The following CADM2 variants were observed in gnomAD, a reference collection of about 807,000 sequenced individuals.
CADM2 encodes immunoglobulin superfamily member 4D.
CADM2 carries 12 observed loss-of-function variants against 49.8 expected under a neutral mutation model. The observed-to-expected ratio is 0.24, with a 90% CI of 0.15 to 0.39. The LOEUF is 0.39. Ranked by LOEUF, CADM2 falls within the 10% of genes least tolerant of loss-of-function variation. The pLI is 1.00. For synonymous variants in CADM2, 214 were observed against 175.4 expected (o/e 1.22, Z -1.74); for missense variants, 378 against 492.3 (o/e 0.77, Z 2.20).
intron 1 of CADM2, among the ~76,000 whole-genome samples, chr3:85,606,184 GA>G (rs1050167349): frequency 1.8e-4 from 27 of 151,998 alleles, no homozygotes; most frequent in Non-Finnish European, 3.4e-4. Context: ...TATATAAAAG[GA>G]AATTGTGGAG....
At chr3:85,915,550 A>G (rs145499819) in intron 6 of CADM2, among the ~76,000 whole-genome samples, 9 of 152,260 alleles carry the variant, frequency 5.9e-5, no homozygotes, top group South Asian at 2.1e-4. Flanking sequence ...TGTGATTTTC[A>G]TAAACATCTT....
At chr3:86,039,504 A>G (rs1735581909) in intron 8 of CADM2, among the ~76,000 whole-genome samples, 1 of 152,166 alleles carries the variant, frequency 6.6e-6, no homozygotes, top group Admixed American at 6.5e-5. Context: ...GCAGTCTGAC[A>G]TCAAACTGCA....
At chr3:85,924,186 T>C (rs1239712281) in intron 6 of CADM2, among the ~76,000 whole-genome samples, 1 of 152,200 alleles carries the variant, frequency 6.6e-6, no homozygotes, top group Non-Finnish European at 1.5e-5. Context: ...TTCTTTTTTT[T>C]TGGAGCACCT....
At chr3:85,261,192 A>G (rs1323504092) in intron 1 of CADM2, among the ~76,000 whole-genome samples, 1 of 152,048 alleles carries the variant, frequency 6.6e-6, no homozygotes, top group Admixed American at 6.6e-5. Context: ...GCTGGAGTGC[A>G]GTGGCAAGAT....
chr3:85,642,148 A>G (rs1003516086), intron 1 of CADM2, among the ~76,000 whole-genome samples: 1 of 152,190 alleles, frequency 6.6e-6, no homozygotes, highest in Non-Finnish European at 1.5e-5. Flanking sequence ...ATGTGTGGAA[A>G]GTGTCTCCTC....
At chr3:86,013,710 G>C in intron 8 of CADM2, 1 of 1,599,166 alleles carries the variant, frequency 6.3e-7, no homozygotes, top group Non-Finnish European at 8.5e-7. Context: ...TAGCCTAAGA[G>C]AGGAATTTAT....
intron 8 of CADM2, among the ~76,000 whole-genome samples, chr3:86,029,961 C>G (rs1734363736): frequency 6.6e-6 from 1 of 151,784 alleles, no homozygotes. Context: ...TTTCTGAAAG[C>G]AAGCAGAGGA....
At chr3:85,804,419 C>CT (rs1292247177) in intron 3 of CADM2, among the ~76,000 whole-genome samples, 1 of 152,136 alleles carries the variant, frequency 6.6e-6, no homozygotes, top group African/African-American at 2.4e-5. Flanking sequence ...GTGTAGCACA[C>CT]TATCAACAAC....
intron 1 of CADM2, among the ~76,000 whole-genome samples, chr3:85,507,517 A>G (rs758780186): frequency 2.0e-5 from 3 of 152,136 alleles, no homozygotes; most frequent in African/African-American, 4.8e-5. Context: ...AAAATACATT[A>G]TATCTTTGTT....
At chr3:85,133,778 CA>C (rs1263830994) in intron 1 of CADM2, among the ~76,000 whole-genome samples, 1 of 152,246 alleles carries the variant, frequency 6.6e-6, no homozygotes, top group African/African-American at 2.4e-5. Flanking sequence ...CCTCCAGACT[CA>C]GGAGCCCAGC....
At chr3:85,285,841 G>A (rs2106909667) in intron 1 of CADM2, among the ~76,000 whole-genome samples, 1 of 151,732 alleles carries the variant, frequency 6.6e-6, no homozygotes, top group African/African-American at 2.4e-5. Flanking sequence ...ATTTTAAAGA[G>A]AACTGTGGAG....
intron 4 of CADM2, 76 bp downstream of exon 4, chr3:85,883,519 C>CA (rs1288524843): frequency 8.1e-7 from 1 of 1,241,584 alleles, no homozygotes; most frequent in Non-Finnish European, 1.1e-6. Context: ...TAATTCAATA[C>CA]AAAAATATAT....
chr3:86,060,095 AAATT>A (rs1738438488), intron 8 of CADM2, among the ~76,000 whole-genome samples: 1 of 152,142 alleles, frequency 6.6e-6, no homozygotes, highest in Non-Finnish European at 1.5e-5. Flanking sequence ...TATGTGTTAT[AAATT>A]AATTTCTTCA....
chr3:85,292,473 C>T (rs1208817602), intron 1 of CADM2, among the ~76,000 whole-genome samples: 4 of 150,738 alleles, frequency 2.7e-5, no homozygotes. Flanking sequence ...CACCCCAAAT[C>T]AACAGAATAT....
At chr3:85,468,401 T>G (rs943263964) in intron 1 of CADM2, among the ~76,000 whole-genome samples, 3 of 152,016 alleles carry the variant, frequency 2.0e-5, no homozygotes, top group Non-Finnish European at 4.4e-5. Context: ...TGTCCAGAGC[T>G]GTCTCCCCGC....
chr3:85,376,996 G>C (rs914730293), intron 1 of CADM2, among the ~76,000 whole-genome samples: 1 of 151,966 alleles, frequency 6.6e-6, no homozygotes. Flanking sequence ...AAATTCATCA[G>C]ATCTTTACAT....
chr3:85,943,583 T>G (rs1479929911), intron 7 of CADM2, among the ~76,000 whole-genome samples: 3 of 151,852 alleles, frequency 2.0e-5, no homozygotes, highest in Admixed American at 6.6e-5. Context: ...CACCATTTAT[T>G]AAATAGAGTC....
At chr3:86,060,705 C>T (rs569626156) in intron 8 of CADM2, among the ~76,000 whole-genome samples, 2 of 152,132 alleles carry the variant, frequency 1.3e-5, no homozygotes, top group East Asian at 1.9e-4. Context: ...TAATAATGGC[C>T]GGATGCGGTG....
chr3:85,298,092 C>T (rs17022685), intron 1 of CADM2, among the ~76,000 whole-genome samples: 10,064 of 151,948 alleles, frequency 0.066, 1,091 homozygotes, highest in African/African-American at 0.23. Flanking sequence ...CTCCTACATC[C>T]GTGTTTGCTG....
Sources: allele counts gnomAD v4.1 joint callset (sites outside exome capture counted in the v4.1 genomes callset), GRCh38; gene constraint gnomAD v4.1.1; transcripts MANE v1.5; gene names NCBI Gene and HGNC (gene_info 2026-07-23, HGNC 2026-07-21).